The following CXADR variants were observed in gnomAD, a reference collection of about 807,000 sequenced individuals.
CXADR encodes coxsackievirus and adenovirus receptor.
CXADR carries 20 observed loss-of-function variants against 40.3 expected under a neutral mutation model. That is an observed-to-expected ratio of 0.50 (90% CI 0.35 to 0.72). CXADR has a LOEUF of 0.72. Ranked by LOEUF, CXADR falls within the 30% of genes least tolerant of loss-of-function variation. The probability of loss-of-function intolerance (pLI) is 0.01; values close to 1 mark genes in which losing one functional copy is unlikely to be tolerated. For missense variants in CXADR, 332 were observed against 449.1 expected, an observed-to-expected ratio of 0.74 and a Z score of 2.36; for synonymous variants, 150 against 161.3, an observed-to-expected ratio of 0.93 and a Z score of 0.53.
chr21:17,515,165 C>T (rs8129817), intron 1 of CXADR, among the ~76,000 whole-genome samples: 37,707 of 151,770 alleles, frequency 0.25, 4,954 homozygotes, highest in Middle Eastern at 0.39. Flanking sequence ...AGGCCAGGCA[C>T]GGTGCTTGTA....
At chr21:17,534,211 G>A (rs61272181) in intron 1 of CXADR, among the ~76,000 whole-genome samples, 37,474 of 145,930 alleles carry the variant, frequency 0.26, 5,326 homozygotes, top group African/African-American at 0.39. Context: ...GGTTTCAAGC[G>A]ATTCTTCTGC....
chr21:17,600,764 A>G, the CXADR span, among the ~76,000 whole-genome samples: 1 of 152,238 alleles, frequency 6.6e-6, no homozygotes, highest in Non-Finnish European at 1.5e-5. Flanking sequence ...ATTTCTTCAG[A>G]TAGCTATGCT....
At chr21:17,592,544 T>C (rs144065303) in intron 7 of CXADR, among the ~76,000 whole-genome samples, 47 of 152,070 alleles carry the variant, frequency 3.1e-4, no homozygotes, top group African/African-American at 1.1e-3. Flanking sequence ...TTTCCAACTT[T>C]ACGCCAATCA....
the CXADR span, among the ~76,000 whole-genome samples, chr21:17,619,602 A>G: frequency 6.6e-6 from 1 of 151,492 alleles, no homozygotes; most frequent in Non-Finnish European, 1.5e-5. Flanking sequence ...GTTTCAAAAA[A>G]AAAAAAAAGA....
chr21:17,626,108 T>C, the CXADR span, among the ~76,000 whole-genome samples: 1 of 152,224 alleles, frequency 6.6e-6, no homozygotes, highest in Non-Finnish European at 1.5e-5. Context: ...TGCAGTCTTT[T>C]CGGTTTCCTA....
intron 1 of CXADR, among the ~76,000 whole-genome samples, chr21:17,530,198 G>C (rs2060654895): frequency 7.0e-6 from 1 of 143,154 alleles, no homozygotes; most frequent in African/African-American, 2.6e-5. Flanking sequence ...TTGACCTCAA[G>C]TGATCAATCA....
At chr21:17,634,361 T>C in the CXADR span, among the ~76,000 whole-genome samples, 3 of 152,230 alleles carry the variant, frequency 2.0e-5, no homozygotes, top group Non-Finnish European at 2.9e-5. Flanking sequence ...ATTTTGTTCA[T>C]GTTGCGTATC....
At chr21:17,541,796 A>G (rs903263343) in intron 1 of CXADR, among the ~76,000 whole-genome samples, 1 of 152,096 alleles carries the variant, frequency 6.6e-6, no homozygotes, top group Non-Finnish European at 1.5e-5. Context: ...AAGTAATACT[A>G]TGTTCTTTTC....
At chr21:17,546,582 A>G (rs1012414751) in intron 1 of CXADR, among the ~76,000 whole-genome samples, 8 of 152,266 alleles carry the variant, frequency 5.3e-5, no homozygotes, top group Non-Finnish European at 1.2e-4. Context: ...ACTATCAGCA[A>G]GGGGGAAATC....
At chr21:17,561,275 A>AC in intron 5 of CXADR, 63 bp from the exon 6 acceptor site, 1 of 910,598 alleles carries the variant, frequency 1.1e-6, no homozygotes, top group Admixed American at 3.4e-5. Flanking sequence ...TGTATAGCCT[A>AC]CCTTCAGTAT....
In CXADR at chr21:17,584,206, GAACA is replaced by G. The variant is rs1437910655; in HGVS notation, c.1018-8942_1018-8939del. Among the ~76,000 whole-genome samples the G allele has an allele frequency of 1.4e-4, 22 of 152,262 alleles. No homozygotes were observed. In the East Asian group the frequency reaches 4.1e-3, roughly 28 times the overall value. ...CTGGCTCAGCCACTGAACAAATGAA[GAACA>G]AACTGTATAGACCTCAAGAACATAC... is the stretch of plus-strand genomic sequence containing the variant. On this transcript the variant is annotated intron_variant, in intron 7 of 7. Coordinates refer to the CXADR transcript ENST00000400169.
intron 1 of CXADR, among the ~76,000 whole-genome samples, chr21:17,534,447 A>T (rs920839491): frequency 4.6e-5 from 7 of 152,130 alleles, no homozygotes; most frequent in Non-Finnish European, 1.0e-4. Flanking sequence ...TAACATATTT[A>T]AAGTGTTTTT....
intron 2 of CXADR, 110 bp downstream of exon 2, chr21:17,547,303 C>A: frequency 6.8e-7 from 1 of 1,470,604 alleles, no homozygotes; most frequent in African/African-American, 1.4e-5. Flanking sequence ...GAAGGAAGCC[C>A]CCCAACTTCT....
chr21:17,536,339 A>G (rs1253156662), intron 1 of CXADR, among the ~76,000 whole-genome samples: 3 of 152,150 alleles, frequency 2.0e-5, no homozygotes, highest in African/African-American at 7.2e-5. Flanking sequence ...CTTTCCTTCC[A>G]TCAGTATGTG....
intron 7 of CXADR, among the ~76,000 whole-genome samples, chr21:17,588,236 T>A (rs1323763718): frequency 6.6e-6 from 1 of 152,194 alleles, no homozygotes; most frequent in East Asian, 1.9e-4. Context: ...TGGTTCCATA[T>A]GAACTTTAAA....
the CXADR span, among the ~76,000 whole-genome samples, chr21:17,628,721 T>C: frequency 6.6e-6 from 1 of 152,166 alleles, no homozygotes; most frequent in South Asian, 2.1e-4. Flanking sequence ...CAGACTGGTC[T>C]CGAACTCCTG....
At chr21:17,613,661 T>C in the CXADR span, 1 of 152,200 alleles carries the variant, frequency 6.6e-6, no homozygotes, top group Non-Finnish European at 1.5e-5. Flanking sequence ...GACACTCTAC[T>C]CAAGGACTTC....
the CXADR span, among the ~76,000 whole-genome samples, chr21:17,606,043 A>G: frequency 1.3e-5 from 2 of 152,166 alleles, no homozygotes; most frequent in African/African-American, 2.4e-5. Context: ...TTTCTATTTA[A>G]AAAATGAAAA....
chr21:17,596,180 C>T (rs138746544), downstream of CXADR, among the ~76,000 whole-genome samples: 1 of 151,992 alleles, frequency 6.6e-6, no homozygotes, highest in African/African-American at 2.4e-5. Flanking sequence ...AAAGTATATT[C>T]TGGAAATAAG....
Sources: gnomAD v4.1 joint callset for allele counts (sites outside exome capture counted in the v4.1 genomes callset) on GRCh38, gnomAD v4.1.1 for gene constraint, MANE v1.5 for transcripts, NCBI Gene and HGNC (gene_info 2026-07-23, HGNC 2026-07-21) for gene names.